GFRA1: variants seen among roughly 807,000 people sequenced by gnomAD.
GFRA1 encodes the protein GDNF family receptor alpha 1.
Under a neutral mutation model 51.6 loss-of-function variants are expected in GFRA1, and 16 were observed. That is an observed-to-expected ratio of 0.31 (90% confidence interval 0.21 to 0.47). The LOEUF is 0.47. Among genes scored for constraint, GFRA1 ranks in the 20% least tolerant of loss-of-function variants. The pLI is 1.00. For synonymous variants in GFRA1, 270 were observed against 241.3 expected, an observed-to-expected ratio of 1.12 and a Z score of -1.10; for missense variants, 530 against 594.3, an observed-to-expected ratio of 0.89 and a Z score of 1.13.
chr10:116,204,635 G>C (rs924505932), intron 5 of GFRA1, among the ~76,000 whole-genome samples: 1 of 152,140 alleles, frequency 6.6e-6, no homozygotes, highest in Non-Finnish European at 1.5e-5. Context: ...TGTCAAAGGG[G>C]CATAGAAGCC....
intron 2 of GFRA1, 28 bp from the exon 3 acceptor site, chr10:116,271,143 G>A: frequency 6.3e-7 from 1 of 1,578,792 alleles, no homozygotes; most frequent in South Asian, 1.1e-5. Flanking sequence ...GGGAGCCTGA[G>A]TGCGGCGGGC....
chr10:116,106,295 T>C (rs1414519111), intron 6 of GFRA1, among the ~76,000 whole-genome samples: 2 of 152,216 alleles, frequency 1.3e-5, no homozygotes, highest in Non-Finnish European at 2.9e-5. Context: ...ACAGCACCAA[T>C]AGAAAACTAA....
intron 5 of GFRA1, among the ~76,000 whole-genome samples, chr10:116,205,596 G>GAGAGAGAGAGATAT (rs1964679507): frequency 1.4e-5 from 2 of 140,562 alleles, no homozygotes; most frequent in African/African-American, 5.2e-5. Context: ...AAAAAAAAAA[G>GAGAGAGAGAGATAT]ATATATATAT....
chr10:116,196,762 A>T (rs1236824612), intron 5 of GFRA1, among the ~76,000 whole-genome samples: 24 of 40,576 alleles, frequency 5.9e-4, no homozygotes, highest in Non-Finnish European at 1.2e-3. Context: ...ATTATATATT[A>T]TATATATAAT....
rs141394115 is a variant in GFRA1, at chr10:116,227,011, C to T, written c.419-15366G>A. On this transcript the variant is annotated intron_variant, in intron 4 of 10. Transcript: ENST00000355422. The stretch of plus-strand genomic sequence containing the variant: ...TACAGATGAAGCTTCACTCACTTGC[C>T]TGCTACTCACCTCCTGCTCTGCAGC... Among the ~76,000 whole-genome samples the T allele has an allele frequency of 3.8e-4, 58 of 152,268 alleles. 2 individuals carry two copies. In the East Asian group the frequency reaches 0.011, roughly 28 times the overall value.
intron 9 of GFRA1, among the ~76,000 whole-genome samples, chr10:116,076,147 T>C (rs114640940): frequency 0.011 from 1,622 of 152,244 alleles, 34 homozygotes; most frequent in African/African-American, 0.037. Context: ...GTCCACTACA[T>C]AGTACTAACA....
chr10:116,115,121 G>A (rs1432412223), intron 6 of GFRA1, among the ~76,000 whole-genome samples: 1 of 152,204 alleles, frequency 6.6e-6, no homozygotes, highest in Non-Finnish European at 1.5e-5. Context: ...TTTCTTGGAT[G>A]CAAAATTTCC....
At chr10:116,105,366 T>A (rs1182624385) in intron 6 of GFRA1, among the ~76,000 whole-genome samples, 8 of 152,328 alleles carry the variant, frequency 5.3e-5, no homozygotes, top group Admixed American at 3.3e-4. Flanking sequence ...CTTAAAACTC[T>A]AGACCAACAC....
chr10:116,132,225 AAAC>A (rs1007466194), intron 5 of GFRA1, among the ~76,000 whole-genome samples: 18 of 152,224 alleles, frequency 1.2e-4, no homozygotes, highest in Admixed American at 1.1e-3. Context: ...ACAAACAAAC[AAAC>A]AACAACAAAA....
rs769858576 is a variant in GFRA1, at chr10:116,271,080, G to C, written c.76C>G (p.Arg26Gly). Residue 26 changes from arginine to glycine, a missense_variant, in exon 3 of 11, where the codon CGC becomes GGC. Arg to Gly is a moderately radical substitution (Grantham distance 125). Transcript: ENST00000355422. ...LLSAEVSGGD[R>G]LDCVKASDQC... ...TCACTGGCTTTCACGCAATCCAGGC[G>C]GTCTCCGCCGCTCACTTCGGCCGAC... The C allele has an allele frequency of 1.9e-6, 3 of 1,610,398 alleles. No homozygotes were observed. The highest frequency in any genetic ancestry group is 2.5e-6 in the Non-Finnish European group (3 of 1,177,084).
chr10:116,183,016 T>C (rs1238582104), intron 5 of GFRA1, among the ~76,000 whole-genome samples: 1 of 152,226 alleles, frequency 6.6e-6, no homozygotes, highest in Non-Finnish European at 1.5e-5. Flanking sequence ...TTCCCAAATG[T>C]CTGGCTGGAC....
chr10:116,138,028 C>T (rs1030171175), intron 5 of GFRA1, among the ~76,000 whole-genome samples: 1 of 152,066 alleles, frequency 6.6e-6, no homozygotes, highest in Non-Finnish European at 1.5e-5. Flanking sequence ...GTCTCAAACT[C>T]GTGATCTCGT....
intron 9 of GFRA1, among the ~76,000 whole-genome samples, chr10:116,069,016 C>T (rs139006911): frequency 2.6e-4 from 40 of 152,142 alleles, no homozygotes; most frequent in African/African-American, 9.4e-4. Context: ...CTGGTAAAAC[C>T]AAGGGTGCAA....
chr10:116,084,761 A>AAC (rs5788130), intron 9 of GFRA1, among the ~76,000 whole-genome samples: 3,321 of 140,070 alleles, frequency 0.024, 42 homozygotes, highest in Middle Eastern at 0.029. Flanking sequence ...TTAAATAAGT[A>AAC]ACACACACAC....
intron 4 of GFRA1, among the ~76,000 whole-genome samples, chr10:116,249,205 T>C (rs558236516): frequency 1.3e-5 from 2 of 152,328 alleles, no homozygotes; most frequent in African/African-American, 4.8e-5. Context: ...TGCTAGACTA[T>C]AAGCTCCATG....
chr10:116,236,923 G>A (rs1966910941), intron 4 of GFRA1, among the ~76,000 whole-genome samples: 1 of 152,180 alleles, frequency 6.6e-6, no homozygotes, highest in African/African-American at 2.4e-5. Flanking sequence ...TAACCCGCAT[G>A]CTTATTTTTG....
intron 10 of GFRA1, among the ~76,000 whole-genome samples, chr10:116,064,800 A>T (rs1444687717): frequency 2.0e-5 from 3 of 152,132 alleles, no homozygotes. Flanking sequence ...GAATTATTAA[A>T]TTCATTTTGG....
At chr10:116,172,315 G>A (rs549415536) in intron 5 of GFRA1, among the ~76,000 whole-genome samples, 16 of 152,182 alleles carry the variant, frequency 1.1e-4, no homozygotes, top group African/African-American at 2.4e-4. Context: ...CCACCTACTC[G>A]GGAAATATTT....
intron 9 of GFRA1, among the ~76,000 whole-genome samples, chr10:116,088,393 G>A (rs552493195): frequency 7.2e-5 from 11 of 152,226 alleles, no homozygotes; most frequent in African/African-American, 2.4e-4. Flanking sequence ...CCAGCATAGC[G>A]GGAGGCAGAA....
Sources: allele counts gnomAD v4.1 joint callset (sites outside exome capture counted in the v4.1 genomes callset), GRCh38; gene constraint gnomAD v4.1.1; transcripts MANE v1.5; gene names NCBI Gene and HGNC (gene_info 2026-07-23, HGNC 2026-07-21).